The following EZH2 variants were observed in gnomAD, a reference collection of about 807,000 sequenced individuals.
EZH2 encodes enhancer of zeste 2 polycomb repressive complex 2 subunit.
A neutral mutation model predicts 98.4 loss-of-function variants in EZH2; 18 were observed. That is an observed-to-expected ratio of 0.18 (90% CI 0.13 to 0.27). EZH2 has a LOEUF of 0.27. Ranked by LOEUF, EZH2 falls within the 10% of genes least tolerant of loss-of-function variation. EZH2 has a pLI of 1.00. For missense variants in EZH2, 470 were observed against 935.1 expected (o/e 0.50, Z 6.49); for synonymous variants, 338 against 312.3 (o/e 1.08, Z -0.87).
chr7:148,836,724 A>AT (rs1305884438), intron 3 of EZH2: 1 of 396,700 alleles, frequency 2.5e-6, no homozygotes, highest in Non-Finnish European at 4.9e-6. Context: ...AAAAAAGGGG[A>AT]TGGGGGGGAC....
chr7:148,864,373 G>T lies in EZH2; in HGVS notation c.-7-17068C>A, dbSNP rs569677465. Among the ~76,000 whole-genome samples the T allele has an allele frequency of 4.6e-5, 7 of 152,284 alleles. No individual in the cohort carries two copies. In the East Asian group the frequency reaches 9.6e-4, roughly 21 times the overall value. On this transcript the variant is annotated intron_variant, in intron 1 of 19. Coordinates refer to ENST00000320356, the MANE Select transcript of EZH2 (RefSeq NM_004456.5). ...AACAGATAAAACAGACTCACTAACT[G>T]AATTGACATCTAAAGGTTAAAGTTT...
intron 1 of EZH2, among the ~76,000 whole-genome samples, chr7:148,881,484 T>A (rs1403321670): frequency 1.3e-5 from 2 of 152,240 alleles, no homozygotes; most frequent in African/African-American, 4.8e-5. Context: ...AAGTCACTGC[T>A]ACTTAAACTG....
chr7:148,878,791 T>C (rs535974305), intron 1 of EZH2, among the ~76,000 whole-genome samples: 1 of 151,614 alleles, frequency 6.6e-6, no homozygotes, highest in Non-Finnish European at 1.5e-5. Context: ...CCCAGCTACT[T>C]GGGAGGCTGA....
chr7:148,862,176 C>T (rs774727492), intron 1 of EZH2, among the ~76,000 whole-genome samples: 1 of 152,132 alleles, frequency 6.6e-6, no homozygotes, highest in Non-Finnish European at 1.5e-5. Flanking sequence ...AACATGGAAT[C>T]CGAAATTGTA....
intron 3 of EZH2, among the ~76,000 whole-genome samples, chr7:148,845,588 C>G (rs936467194): frequency 7.2e-5 from 11 of 152,270 alleles, no homozygotes; most frequent in Non-Finnish European, 1.5e-4. Flanking sequence ...TCCAGAAGGC[C>G]TCATACAATA....
intron 12 of EZH2, 133 bp downstream of exon 12, chr7:148,816,551 G>C: frequency 1.6e-6 from 1 of 626,630 alleles, no homozygotes. Context: ...AGATTCCATA[G>C]TTCTGTTTTT....
At chr7:148,876,752 G>A (rs1585315856) in intron 1 of EZH2, among the ~76,000 whole-genome samples, 1 of 152,148 alleles carries the variant, frequency 6.6e-6, no homozygotes, top group East Asian at 1.9e-4. Flanking sequence ...CTCTGTAAAG[G>A]GCCACATGGT....
intron 3 of EZH2, among the ~76,000 whole-genome samples, chr7:148,838,201 TG>T (rs1465331107): frequency 6.6e-6 from 1 of 151,822 alleles, no homozygotes; most frequent in South Asian, 2.1e-4. Context: ...CCCGAGTAGC[TG>T]GGACTACAAG....
intron 1 of EZH2, among the ~76,000 whole-genome samples, chr7:148,852,807 T>C (rs1300234407): frequency 1.3e-5 from 2 of 152,202 alleles, no homozygotes; most frequent in Non-Finnish European, 1.5e-5. Context: ...CCATCTTTTT[T>C]TTCTTAATAC....
chr7:148,838,165 C>T, intron 3 of EZH2, among the ~76,000 whole-genome samples: 1 of 146,008 alleles, frequency 6.8e-6, no homozygotes, highest in Non-Finnish European at 1.5e-5. Context: ...AACTCCTGGG[C>T]TCAAATGATT....
intron 1 of EZH2, among the ~76,000 whole-genome samples, chr7:148,865,143 AG>A (rs1488482817): frequency 2.7e-5 from 4 of 150,778 alleles, no homozygotes. Context: ...AAAAAAAAAA[AG>A]TACCAGAAAC....
At chr7:148,816,392 C>T (rs931887227) in intron 12 of EZH2, among the ~76,000 whole-genome samples, 1 of 152,232 alleles carries the variant, frequency 6.6e-6, no homozygotes, top group Non-Finnish European at 1.5e-5. Context: ...TAATTGTTTA[C>T]GTAACCTTTA....
rs1804800467 is a variant in EZH2 at position 148,817,213 on chromosome 7, A to G, written c.1410+9T>C. On this transcript the variant is annotated intron_variant, in intron 11 of 19. Transcript: ENST00000320356. ...GCTCTTTTAACAACATTTTTATCGG[A>G]TATCTTACCTGTCTACATGTTTTGG... 5 of 1,605,004 alleles carry G rather than the reference A, an allele frequency of 3.1e-6. No individual in the cohort carries two copies. Among genetic ancestry groups the G allele is most frequent in the African/African-American group, 1.3e-5 (1 of 74,676 alleles).
At chr7:148,861,194 T>C (rs1393626460) in intron 1 of EZH2, among the ~76,000 whole-genome samples, 1 of 151,948 alleles carries the variant, frequency 6.6e-6, no homozygotes, top group Admixed American at 6.6e-5. Context: ...TGTAAAATGT[T>C]ATATAAATCC....
intron 3 of EZH2, among the ~76,000 whole-genome samples, chr7:148,844,018 G>A (rs1206609975): frequency 1.3e-5 from 2 of 152,182 alleles, no homozygotes; most frequent in Non-Finnish European, 2.9e-5. Context: ...AAAGCAAGCA[G>A]TTAATTAAAA....
chr7:148,879,256 A>G (rs1820612120), intron 1 of EZH2, among the ~76,000 whole-genome samples: 1 of 148,704 alleles, frequency 6.7e-6, no homozygotes, highest in Non-Finnish European at 1.5e-5. Context: ...AAAAACAAAA[A>G]CAAAAACAAC....
At chr7:148,811,005 T>C (rs1243556344) in intron 16 of EZH2, among the ~76,000 whole-genome samples, 1 of 152,044 alleles carries the variant, frequency 6.6e-6, no homozygotes, top group Admixed American at 6.5e-5. Flanking sequence ...GAATAACTAA[T>C]GACGTTGTTG....
At chr7:148,859,976 T>C (rs976736846) in intron 1 of EZH2, among the ~76,000 whole-genome samples, 2 of 152,146 alleles carry the variant, frequency 1.3e-5, no homozygotes, top group Non-Finnish European at 2.9e-5. Context: ...TTTATGCAAA[T>C]AGCCATTCTC....
intron 1 of EZH2, among the ~76,000 whole-genome samples, chr7:148,869,367 A>ACACAGTC (rs1818996486): frequency 8.5e-6 from 1 of 117,640 alleles, no homozygotes; most frequent in Non-Finnish European, 1.7e-5. Flanking sequence ...TTTTTTGGAG[A>ACACAGTC]CACAGTCTCA....
Sources: gnomAD v4.1 joint callset for allele counts (sites outside exome capture counted in the v4.1 genomes callset) on GRCh38, gnomAD v4.1.1 for gene constraint, MANE v1.5 for transcripts, NCBI Gene and HGNC (gene_info 2026-07-23, HGNC 2026-07-21) for gene names.